The following RTL4 variants were observed in gnomAD, a reference collection of about 807,000 sequenced individuals.
RTL4 encodes retrotransposon Gag-like protein 4.
Under a neutral mutation model 5.3 loss-of-function variants are expected in RTL4, and 4 were observed. That is an observed-to-expected ratio of 0.75 (90% CI 0.37 to 1.72). The LOEUF is 1.72. RTL4 is among the 40% of genes most tolerant of loss of function. The pLI is 0.04. For missense variants in RTL4, 260 were observed against 227.1 expected (o/e 1.14, Z -0.93); for synonymous variants, 98 against 87.3 (o/e 1.12, Z -0.68).
the RTL4 span, chrX:112,382,152 G>A: frequency 8.3e-7 from 1 of 1,209,531 alleles, no homozygotes; most frequent in Admixed American, 2.2e-5. Flanking sequence ...CATAATCAGT[G>A]CCTAAATAGG....
the RTL4 span, among the ~76,000 whole-genome samples, chrX:112,410,177 T>A: frequency 8.9e-6 from 1 of 112,009 alleles, no homozygotes; most frequent in African/African-American, 3.2e-5. Context: ...CAAGAGGATA[T>A]AACAATTGTT....
At chrX:112,266,870 T>C in the RTL4 span, among the ~76,000 whole-genome samples, 2 of 111,273 alleles carry the variant, frequency 1.8e-5, no homozygotes, top group East Asian at 2.8e-4. Flanking sequence ...CTTGTATTTC[T>C]ACCCATCTAC....
At chrX:112,249,518 G>T in the RTL4 span, among the ~76,000 whole-genome samples, 1 of 111,116 alleles carries the variant, frequency 9.0e-6, no homozygotes, top group Admixed American at 9.6e-5. Flanking sequence ...GAGTAAAGCA[G>T]ATGGCCCTCC....
At chrX:112,234,679 A>G in the RTL4 span, among the ~76,000 whole-genome samples, 4 of 111,993 alleles carry the variant, frequency 3.6e-5, no homozygotes, top group Non-Finnish European at 7.5e-5. Context: ...AGAGCAAATG[A>G]GTAGCGGTAG....
chrX:112,323,728 GATCT>G, the RTL4 span, among the ~76,000 whole-genome samples: 6 of 110,965 alleles, frequency 5.4e-5, no homozygotes, highest in Non-Finnish European at 1.1e-4. Flanking sequence ...GGGCTCAAGC[GATCT>G]ATCTGTCTCA....
the RTL4 span, among the ~76,000 whole-genome samples, chrX:112,247,654 A>T: frequency 8.9e-6 from 1 of 112,236 alleles, no homozygotes; most frequent in Admixed American, 9.5e-5. Flanking sequence ...TCAACATCTC[A>T]CAGCGAATAA....
At chrX:112,401,828 A>T in the RTL4 span, among the ~76,000 whole-genome samples, 1 of 112,222 alleles carries the variant, frequency 8.9e-6, no homozygotes. Flanking sequence ...TAATCAACTC[A>T]GATCCCTGTG....
chrX:112,128,659 CAAA>C, the RTL4 span, among the ~76,000 whole-genome samples: 618 of 41,087 alleles, frequency 0.015, 6 homozygotes, highest in African/African-American at 0.035. Context: ...CTCTGTCTCA[CAAA>C]AAAAAAAAAA....
chrX:112,225,086 A>T, the RTL4 span, among the ~76,000 whole-genome samples: 1 of 112,259 alleles, frequency 8.9e-6, no homozygotes. Flanking sequence ...GTTATTAAAT[A>T]TCTTGCCTGA....
At chrX:112,137,579 T>C in the RTL4 span, among the ~76,000 whole-genome samples, 1 of 111,414 alleles carries the variant, frequency 9.0e-6, no homozygotes, top group African/African-American at 3.3e-5. Flanking sequence ...ACCCCCATGA[T>C]CCAATTGCCT....
At chrX:112,168,780 A>G in the RTL4 span, among the ~76,000 whole-genome samples, 7 of 111,849 alleles carry the variant, frequency 6.3e-5, no homozygotes, top group African/African-American at 2.0e-4. Flanking sequence ...TGTTTAGCAT[A>G]TAATTGAGAA....
chrX:112,140,757 A>G, the RTL4 span, among the ~76,000 whole-genome samples: 1 of 112,085 alleles, frequency 8.9e-6, no homozygotes, highest in Non-Finnish European at 1.9e-5. Flanking sequence ...AGATACCAAT[A>G]TTGATACCAT....
the RTL4 span, among the ~76,000 whole-genome samples, chrX:112,322,018 A>AT: frequency 8.9e-6 from 1 of 112,016 alleles, no homozygotes; most frequent in Non-Finnish European, 1.9e-5. Context: ...CCAACTATAT[A>AT]TTTTTTCCAG....
At chrX:112,445,637 C>T in the RTL4 span, among the ~76,000 whole-genome samples, 68 of 111,511 alleles carry the variant, frequency 6.1e-4, no homozygotes, top group Non-Finnish European at 1.2e-3. Flanking sequence ...AATAAAATGA[C>T]AGCTATTGTT....
chrX:112,091,315 T>C, the RTL4 span, among the ~76,000 whole-genome samples: 1 of 111,894 alleles, frequency 8.9e-6, no homozygotes, highest in East Asian at 2.8e-4. Context: ...GTTCTATTAC[T>C]AGTTCCTTAA....
the RTL4 span, among the ~76,000 whole-genome samples, chrX:112,353,856 G>A: frequency 9.0e-6 from 1 of 111,229 alleles, no homozygotes; most frequent in East Asian, 2.8e-4. Context: ...AAATAAAAAA[G>A]AAGAGGTTTT....
At chrX:112,242,436 G>T in the RTL4 span, among the ~76,000 whole-genome samples, 2 of 111,198 alleles carry the variant, frequency 1.8e-5, no homozygotes, top group Non-Finnish European at 3.8e-5. Context: ...GGATTCCTAG[G>T]TATTTTATTC....
the RTL4 span, among the ~76,000 whole-genome samples, chrX:112,328,102 C>T: frequency 1.9e-5 from 2 of 107,942 alleles, no homozygotes; most frequent in African/African-American, 3.4e-5. Flanking sequence ...CATCAACTAA[C>T]GAGCAAAATA....
the RTL4 span, among the ~76,000 whole-genome samples, chrX:112,089,265 A>C: frequency 9.0e-6 from 1 of 110,821 alleles, no homozygotes; most frequent in South Asian, 3.8e-4. Flanking sequence ...TCCCCCCTGG[A>C]ATCTGTTTTT....
Sources: allele counts gnomAD v4.1 joint callset (sites outside exome capture counted in the v4.1 genomes callset), GRCh38; gene constraint gnomAD v4.1.1; transcripts MANE v1.5; gene names NCBI Gene and HGNC (gene_info 2026-07-23, HGNC 2026-07-21).